POU2F3: variants seen among roughly 807,000 people sequenced by gnomAD.
POU2F3 encodes the protein POU class 2 homeobox 3, also known as POU domain, class 2, transcription factor 3.
POU2F3 carries 23 observed loss-of-function variants against 59.2 expected under a neutral mutation model. The observed-to-expected ratio is 0.39, with a 90% CI of 0.28 to 0.55. The LOEUF (loss-of-function observed/expected upper bound fraction) is 0.55. POU2F3 is among the 20% of genes least tolerant of loss of function. The pLI, the probability that POU2F3 is intolerant of heterozygous loss-of-function variation, is 0.66. For synonymous variants in POU2F3, 190 were observed against 214.6 expected, an observed-to-expected ratio of 0.89 and a Z score of 1.00; for missense variants, 473 against 544.5, an observed-to-expected ratio of 0.87 and a Z score of 1.31.
intron 3 of POU2F3, among the ~76,000 whole-genome samples, chr11:120,292,300 C>T (rs537540759): frequency 1.3e-5 from 2 of 152,054 alleles, no homozygotes. Context: ...TTTATCATCC[C>T]CATTGGGGAC....
At position 120,307,586 on chromosome 11, in the gene POU2F3, C is replaced by T. The variant is rs745411694; in HGVS notation, c.877C>T (p.Arg293Cys). 20 of 1,614,076 alleles carry T rather than the reference C, an allele frequency of 1.2e-5. No individual in the cohort carries two copies. Among genetic ancestry groups the T allele is most frequent in the Middle Eastern group, 1.6e-4 (1 of 6,084 alleles). ...ACGGACCAGCATCGAGACCAACATC[C>T]GCCTGACTCTGGAGAAGAGGTTTCA... Reference protein sequence around the residue: ...KKRTSIETNIRLTLEKRFQDN... With the variant: ...KKRTSIETNICLTLEKRFQDN... Residue 293 changes from arginine to cysteine, a missense_variant, in exon 9 of 13, where the codon CGC becomes TGC. Arg to Cys is a radical substitution (Grantham distance 180, BLOSUM62 -3). Transcript: ENST00000543440.
intron 10 of POU2F3, among the ~76,000 whole-genome samples, chr11:120,310,984 T>C (rs533213363): frequency 2.0e-5 from 3 of 152,202 alleles, no homozygotes; most frequent in East Asian, 3.9e-4. Flanking sequence ...CCCGAGGAGA[T>C]AATTAATACC....
chr11:120,264,224 C>G (rs1040521302), intron 2 of POU2F3, among the ~76,000 whole-genome samples: 12 of 151,720 alleles, frequency 7.9e-5, no homozygotes, highest in Non-Finnish European at 1.6e-4. Flanking sequence ...CACACACACA[C>G]ACACACACAA....
chr11:120,276,482 G>T (rs1020241763), intron 3 of POU2F3, among the ~76,000 whole-genome samples: 1 of 151,944 alleles, frequency 6.6e-6, no homozygotes, highest in East Asian at 1.9e-4. Flanking sequence ...AAAGACTCTT[G>T]TTCCCCTGAG....
chr11:120,284,331 T>G (rs991233618), intron 3 of POU2F3, among the ~76,000 whole-genome samples: 2 of 152,222 alleles, frequency 1.3e-5, no homozygotes, highest in South Asian at 4.1e-4. Context: ...TGTCTTTTCT[T>G]GCATCCAGTG....
chr11:120,305,847 C>T, intron 8 of POU2F3, 62 bp downstream of exon 8: 1 of 1,588,160 alleles, frequency 6.3e-7, no homozygotes, highest in Non-Finnish European at 8.6e-7. Flanking sequence ...GGGCCAGTGA[C>T]TTGTCGTGTT....
chr11:120,301,319 A>G (rs973651929), intron 5 of POU2F3: 1 of 246,682 alleles, frequency 4.1e-6, no homozygotes, highest in Non-Finnish European at 8.1e-6. Context: ...ATCCATTTCA[A>G]CCGCCATGTC....
At chr11:120,243,466 T>A (rs1231904292) in intron 1 of POU2F3, among the ~76,000 whole-genome samples, 1 of 152,146 alleles carries the variant, frequency 6.6e-6, no homozygotes, top group African/African-American at 2.4e-5. Context: ...GTGATGGTGC[T>A]GAGTGGGGCA....
rs572389659 is a variant in POU2F3, at chr11:120,312,233, C to T, written c.1068+2647C>T. ...CCACCTCCTGGGTTCAAGTAATTCT[C>T]CTGCCTCAGCCTCCTGAGTAGCTGG... On this transcript the variant is annotated intron_variant, in intron 10 of 12. Transcript: ENST00000543440. Among the ~76,000 whole-genome samples, 16 of 152,268 alleles carry T rather than the reference C, an allele frequency of 1.1e-4. No individual in the cohort carries two copies. In the South Asian group the frequency reaches 3.1e-3, roughly 30 times the overall value.
chr11:120,252,139 C>T (rs1939131000), intron 2 of POU2F3, among the ~76,000 whole-genome samples: 1 of 151,488 alleles, frequency 6.6e-6, no homozygotes, highest in Non-Finnish European at 1.5e-5. Context: ...GCCTGGAAGT[C>T]CTTTCTTATC....
At chr11:120,274,954 C>T (rs771296830) in intron 3 of POU2F3, among the ~76,000 whole-genome samples, 14 of 152,128 alleles carry the variant, frequency 9.2e-5, no homozygotes, top group South Asian at 4.1e-4. Context: ...CGGAGCAATA[C>T]AGTAGAGTCT....
intron 1 of POU2F3, among the ~76,000 whole-genome samples, chr11:120,245,515 ATTC>A (rs2135125645): frequency 6.6e-6 from 1 of 152,272 alleles, no homozygotes; most frequent in South Asian, 2.1e-4. Flanking sequence ...TTGAATAAAT[ATTC>A]TTCTGTCTTT....
chr11:120,266,446 G>T lies in POU2F3; in HGVS notation c.98-2764G>T, dbSNP rs897983270. ...TTAAGTCAGATCATGTTACTCCTCT[G>T]CTTGGAACTCTCAGATTGACCCATC... On this transcript the variant is annotated intron_variant, in intron 2 of 12. Transcript: ENST00000543440. Among the ~76,000 whole-genome samples the T allele has an allele frequency of 1.1e-4, 17 of 152,122 alleles. No homozygotes were observed. In the South Asian group the frequency reaches 3.5e-3, roughly 32 times the overall value.
intron 10 of POU2F3, among the ~76,000 whole-genome samples, chr11:120,314,152 A>T (rs1179603833): frequency 6.6e-6 from 1 of 152,234 alleles, no homozygotes; most frequent in East Asian, 1.9e-4. Flanking sequence ...CACCCTTCAC[A>T]GGCCCCCAGC....
At chr11:120,236,774 AGAGAAG>A, upstream of POU2F3, 1 of 1,385,738 alleles carries the variant, frequency 7.2e-7, no homozygotes, top group Non-Finnish European at 9.9e-7. Flanking sequence ...CAAGTCTGAG[AGAGAAG>A]GAATAAAGAT....
In POU2F3 at chr11:120,298,377, C is replaced by T. The variant is rs866236113; in HGVS notation, c.245C>T (p.Ala82Val). The T allele has an allele frequency of 4.3e-6, 7 of 1,613,622 alleles. 1 individual carries two copies. In the East Asian group the frequency reaches 1.6e-4, roughly 36 times the overall value. ...MSGNQMSGLN[A>V]SPCQDMASLH... ...GGAAACCAAATGTCTGGGCTAAATGCCAGCCCATGTCAGGTAACACTGTGA... is the reference window on the plus strand; with the variant it reads ...GGAAACCAAATGTCTGGGCTAAATGTCAGCCCATGTCAGGTAACACTGTGA... Residue 82 changes from alanine (A) to valine (V), a missense_variant, in exon 4 of 13, where the codon GCC becomes GTC. Ala to Val is a moderately conservative substitution (Grantham distance 64, BLOSUM62 0). Coordinates refer to ENST00000543440, the MANE Select transcript of POU2F3 (RefSeq NM_014352.4).
intron 10 of POU2F3, among the ~76,000 whole-genome samples, chr11:120,312,961 G>A (rs765999597): frequency 1.3e-5 from 2 of 152,140 alleles, no homozygotes; most frequent in Non-Finnish European, 2.9e-5. Flanking sequence ...CATGTACAAA[G>A]GTTCCAAGGT....
intron 3 of POU2F3, among the ~76,000 whole-genome samples, chr11:120,282,219 C>T (rs1317585150): frequency 2.0e-5 from 3 of 152,220 alleles, no homozygotes; most frequent in Admixed American, 6.5e-5. Context: ...GCCATGCTTT[C>T]GGTCTGGGCT....
intron 3 of POU2F3, among the ~76,000 whole-genome samples, chr11:120,277,960 C>A (rs1276958103): frequency 6.6e-6 from 1 of 152,116 alleles, no homozygotes; most frequent in East Asian, 1.9e-4. Flanking sequence ...GTGACAGACA[C>A]AAGTACAGGC....
Sources: gnomAD v4.1 joint callset for allele counts (sites outside exome capture counted in the v4.1 genomes callset) on GRCh38, gnomAD v4.1.1 for gene constraint, MANE v1.5 for transcripts, NCBI Gene and HGNC (gene_info 2026-07-23, HGNC 2026-07-21) for gene names.